The following UGGT2 variants were observed in gnomAD, a reference collection of about 807,000 sequenced individuals.
UGGT2 encodes the protein UDP-glucose:glycoprotein glucosyltransferase 2.
Under a neutral mutation model 192.1 loss-of-function variants are expected in UGGT2, and 180 were observed. The ratio of observed to expected loss-of-function variants is 0.94; its 90% CI spans 0.83 to 1.06. The LOEUF (loss-of-function observed/expected upper bound fraction) is 1.06. UGGT2 is among the 50% of genes least tolerant of loss of function. The probability of loss-of-function intolerance (pLI) is 0.00; values close to 1 mark genes in which losing one functional copy is unlikely to be tolerated. For synonymous variants in UGGT2, 580 were observed against 591.0 expected (o/e 0.98, Z 0.27); for missense variants, 1,849 against 1,795.7 (o/e 1.03, Z -0.54).
intron 4 of UGGT2, among the ~76,000 whole-genome samples, chr13:96,014,126 G>C (rs1214500228): frequency 6.6e-6 from 1 of 152,116 alleles, no homozygotes; most frequent in African/African-American, 2.4e-5. Context: ...AGATCAAATG[G>C]AAAGCCAGAA....
chr13:95,845,282 G>C (rs901299609), intron 36 of UGGT2, among the ~76,000 whole-genome samples: 1 of 150,930 alleles, frequency 6.6e-6, no homozygotes, highest in Non-Finnish European at 1.5e-5. Flanking sequence ...AGATAAACTT[G>C]TGAACAAAGG....
intron 38 of UGGT2, among the ~76,000 whole-genome samples, chr13:95,802,951 A>G (rs1488108139): frequency 6.6e-6 from 1 of 152,104 alleles, no homozygotes; most frequent in Admixed American, 6.6e-5. Context: ...CTCCTGCCTC[A>G]GCCTCCCGAG....
chr13:95,903,052 A>G lies in UGGT2; in HGVS notation c.2304T>C (p.Ser768=). 1 of 1,609,088 alleles carries G rather than the reference A, an allele frequency of 6.2e-7. No homozygotes were observed. Among genetic ancestry groups the G allele is most frequent in the Non-Finnish European group, 8.5e-7 (1 of 1,178,706 alleles). Reference sequence around the variant, plus strand: ...AAATAATCCCCAACCGACTATGAACACTTGTTTTCTGCAAACATATTTATA... The same window carrying G: ...AAATAATCCCCAACCGACTATGAACGCTTGTTTTCTGCAAACATATTTATA... ...LFNALKHMKT[S]VHSRLGIIYN... is the part of the protein sequence containing the mutation. Residue 768 remains serine (S), a synonymous_variant, in exon 21 of 39, where the codon AGT becomes AGC. Transcript: ENST00000376747.
chr13:95,963,163 C>T (rs1273839366), intron 12 of UGGT2, among the ~76,000 whole-genome samples: 1 of 152,036 alleles, frequency 6.6e-6, no homozygotes, highest in Non-Finnish European at 1.5e-5. Context: ...CAACAAAATA[C>T]TAGTAAGCCA....
At chr13:95,824,064 A>G (rs1164244158) in intron 38 of UGGT2, among the ~76,000 whole-genome samples, 2 of 152,066 alleles carry the variant, frequency 1.3e-5, no homozygotes, top group African/African-American at 4.8e-5. Context: ...ATTTTGCTGG[A>G]TACAAAATTC....
chr13:95,867,131 T>TA (rs201931379), intron 30 of UGGT2, among the ~76,000 whole-genome samples: 41 of 151,582 alleles, frequency 2.7e-4, no homozygotes, highest in Middle Eastern at 3.4e-3. Context: ...TATCATAATG[T>TA]AAAAAAAAAT....
At chr13:95,962,551 T>A (rs1338732096) in intron 12 of UGGT2, among the ~76,000 whole-genome samples, 1 of 151,954 alleles carries the variant, frequency 6.6e-6, no homozygotes, top group Non-Finnish European at 1.5e-5. Context: ...CAATCAGTAA[T>A]AAAAAGTCTC....
chr13:96,003,611 T>A (rs550081718), intron 5 of UGGT2, among the ~76,000 whole-genome samples: 3 of 152,296 alleles, frequency 2.0e-5, no homozygotes, highest in South Asian at 2.1e-4. Flanking sequence ...CTTTTCTTTT[T>A]GGGACCCTAA....
rs946765414 is a variant in UGGT2 at position 95,980,448 on chromosome 13, CG to C, written c.1092+3355del. On this transcript the variant is annotated intron_variant, in intron 10 of 38. Coordinates refer to ENST00000376747, the MANE Select transcript of UGGT2 (RefSeq NM_020121.4). ...AATGATACATTGGACTTTGGGGACT[CG>C]GGGGAAAGGGCGGGGGGTGGCAAGA... 4.4e-4 allele frequency among the ~76,000 whole-genome samples: 67 copies of C among 151,108 alleles called. 1 individual carries two copies. Among genetic ancestry groups the C allele is most frequent in the African/African-American group, 1.4e-3 (56 of 41,182 alleles).
chr13:95,897,036 G>A (rs1329235442), intron 22 of UGGT2, among the ~76,000 whole-genome samples: 1 of 152,064 alleles, frequency 6.6e-6, no homozygotes, highest in Admixed American at 6.6e-5. Flanking sequence ...TTTAGCTAGT[G>A]TAACACAAAT....
chr13:95,994,154 T>C (rs1037265117), intron 7 of UGGT2, among the ~76,000 whole-genome samples: 1 of 152,102 alleles, frequency 6.6e-6, no homozygotes, highest in African/African-American at 2.4e-5. Context: ...CTAGATTCTA[T>C]AAAGTTTTTA....
At chr13:96,053,040 G>A in intron 1 of UGGT2, 115 bp downstream of exon 1, 2 of 1,332,092 alleles carry the variant, frequency 1.5e-6, no homozygotes, top group Non-Finnish European at 9.7e-7. Flanking sequence ...GCCAGAGCGG[G>A]GGCGTCTGGA....
chr13:95,979,922 G>A (rs1055972149), intron 10 of UGGT2, among the ~76,000 whole-genome samples: 1 of 152,118 alleles, frequency 6.6e-6, no homozygotes, highest in African/African-American at 2.4e-5. Context: ...TCAGAGAAAT[G>A]CAAATCAAAA....
intron 38 of UGGT2, 122 bp from the exon 39 acceptor site, chr13:95,801,934 T>A (rs1263737582): frequency 9.4e-7 from 1 of 1,063,012 alleles, no homozygotes; most frequent in Non-Finnish European, 1.4e-6. Flanking sequence ...GCTAGTTCAG[T>A]ACCTATATGC....
intron 17 of UGGT2, among the ~76,000 whole-genome samples, chr13:95,928,257 GC>G (rs2049101850): frequency 6.6e-6 from 1 of 150,826 alleles, no homozygotes; most frequent in Non-Finnish European, 1.5e-5. Context: ...GGCAGGGGCT[GC>G]CCCCTACCTC....
At chr13:95,834,152 TTC>T (rs771755898) in intron 37 of UGGT2, among the ~76,000 whole-genome samples, 14 of 152,218 alleles carry the variant, frequency 9.2e-5, no homozygotes, top group African/African-American at 1.9e-4. Context: ...CTTTTTTTAA[TTC>T]TGTCATACTA....
chr13:96,051,610 C>G (rs1268547555), intron 1 of UGGT2, among the ~76,000 whole-genome samples: 1 of 151,508 alleles, frequency 6.6e-6, no homozygotes, highest in African/African-American at 2.4e-5. Flanking sequence ...GGATTAATAT[C>G]CAGAATCTAC....
rs151244864 is a variant in UGGT2, at chr13:95,986,825, T to C, written c.932-393A>G. On this transcript the variant is annotated intron_variant, in intron 8 of 38. Transcript: ENST00000376747. ...GAAAAGACCTCTAAGAAAGCTCCAC[T>C]GTGTTTAACTCAGTAAATAGAAACA... Among the ~76,000 whole-genome samples, 610 of 152,260 alleles carry C rather than the reference T, an allele frequency of 4.0e-3. 3 individuals are homozygous for C. Among genetic ancestry groups the C allele is most frequent in the African/African-American group, 0.014 (580 of 41,576 alleles).
intron 36 of UGGT2, among the ~76,000 whole-genome samples, chr13:95,840,890 T>C (rs983797425): frequency 1.3e-5 from 2 of 152,226 alleles, no homozygotes; most frequent in Admixed American, 6.5e-5. Flanking sequence ...AATGAGTTCA[T>C]GTCCTTTGCA....
Sources: gnomAD v4.1 joint callset for allele counts (sites outside exome capture counted in the v4.1 genomes callset) on GRCh38, gnomAD v4.1.1 for gene constraint, MANE v1.5 for transcripts, NCBI Gene and HGNC (gene_info 2026-07-23, HGNC 2026-07-21) for gene names.